The following TBC1D5 variants were observed in gnomAD, a reference collection of about 807,000 sequenced individuals.
The protein encoded by TBC1D5 is TBC1 domain family member 5.
TBC1D5 carries 75 observed loss-of-function variants against 100.3 expected under a neutral mutation model. The ratio of observed to expected loss-of-function variants is 0.75; its 90% CI spans 0.62 to 0.91. TBC1D5 has a LOEUF of 0.91. Ranked by LOEUF, TBC1D5 falls within the 40% of genes least tolerant of loss-of-function variation. The pLI is 0.00. For missense variants in TBC1D5, 910 were observed against 942.4 expected (o/e 0.97, Z 0.45); for synonymous variants, 323 against 325.6 (o/e 0.99, Z 0.09).
At chr3:17,719,613 G>A (rs1017772941) in intron 1 of TBC1D5, among the ~76,000 whole-genome samples, 17 of 152,130 alleles carry the variant, frequency 1.1e-4, no homozygotes, top group Non-Finnish European at 2.2e-4. Context: ...AGTAGTAACT[G>A]CTATTCCTAT....
At chr3:17,295,844 T>C (rs2082200171) in intron 14 of TBC1D5, among the ~76,000 whole-genome samples, 1 of 152,194 alleles carries the variant, frequency 6.6e-6, no homozygotes, top group African/African-American at 2.4e-5. Context: ...AAACTAGTCA[T>C]ACATTTTATA....
At chr3:17,289,821 C>G (rs2081542402) in intron 15 of TBC1D5, among the ~76,000 whole-genome samples, 1 of 152,180 alleles carries the variant, frequency 6.6e-6, no homozygotes, top group Non-Finnish European at 1.5e-5. Context: ...CAATTCCTAA[C>G]TCAGGTTCCT....
At chr3:17,727,324 T>C (rs2076209877) in intron 1 of TBC1D5, among the ~76,000 whole-genome samples, 1 of 152,178 alleles carries the variant, frequency 6.6e-6, no homozygotes, top group Non-Finnish European at 1.5e-5. Context: ...GAGGTTGCAG[T>C]GAGCCAAGAT....
At chr3:17,195,672 A>G (rs1454832126) in intron 18 of TBC1D5, among the ~76,000 whole-genome samples, 1 of 152,186 alleles carries the variant, frequency 6.6e-6, no homozygotes, top group African/African-American at 2.4e-5. Context: ...ATCCAAGCTG[A>G]GGATCAAGTA....
At chr3:17,349,124 G>A (rs2090252206) in intron 13 of TBC1D5, among the ~76,000 whole-genome samples, 1 of 152,144 alleles carries the variant, frequency 6.6e-6, no homozygotes, top group African/African-American at 2.4e-5. Context: ...TGCTTTCTTT[G>A]GGATTCTATA....
intron 17 of TBC1D5, among the ~76,000 whole-genome samples, 183 bp from the exon 18 acceptor site, chr3:17,233,933 T>C (rs2075648702): frequency 6.6e-6 from 1 of 151,986 alleles, no homozygotes; most frequent in Admixed American, 6.6e-5. Context: ...TAAGAGCATG[T>C]TTTCTAGAAA....
intron 1 of TBC1D5, among the ~76,000 whole-genome samples, chr3:17,662,360 C>T (rs1314914912): frequency 6.6e-6 from 1 of 152,164 alleles, no homozygotes; most frequent in African/African-American, 2.4e-5. Flanking sequence ...TGTCACAGTG[C>T]CAAAGAAGTT....
intron 13 of TBC1D5, among the ~76,000 whole-genome samples, chr3:17,308,369 A>T (rs1046567608): frequency 3.9e-5 from 6 of 152,182 alleles, no homozygotes; most frequent in African/African-American, 1.4e-4. Flanking sequence ...ATATATATGA[A>T]AAAAGTCAAA....
chr3:17,665,087 G>A (rs1381725135), intron 1 of TBC1D5: 2 of 150,164 alleles, frequency 1.3e-5, no homozygotes, highest in Non-Finnish European at 1.5e-5. Flanking sequence ...TTAAGGCCAG[G>A]AGGAAGCATC....
intron 13 of TBC1D5, among the ~76,000 whole-genome samples, chr3:17,330,608 C>G (rs1414761646): frequency 6.6e-6 from 1 of 152,110 alleles, no homozygotes; most frequent in Non-Finnish European, 1.5e-5. Flanking sequence ...AGAAAATTAC[C>G]AGCACCCAAG....
intron 15 of TBC1D5, among the ~76,000 whole-genome samples, chr3:17,286,474 C>G (rs1428281073): frequency 6.6e-6 from 1 of 152,158 alleles, no homozygotes; most frequent in African/African-American, 2.4e-5. Context: ...TTCTATCCCT[C>G]TAACTTCATC....
At chr3:17,374,889 A>G (rs919361278) in intron 10 of TBC1D5, among the ~76,000 whole-genome samples, 1 of 152,204 alleles carries the variant, frequency 6.6e-6, no homozygotes, top group Non-Finnish European at 1.5e-5. Flanking sequence ...CTATGCCTCT[A>G]TGCGACATGA....
At chr3:17,454,300 G>A (rs187264520) in intron 3 of TBC1D5, among the ~76,000 whole-genome samples, 2 of 151,972 alleles carry the variant, frequency 1.3e-5, no homozygotes, top group Admixed American at 1.3e-4. Flanking sequence ...GGTATAAATG[G>A]TATCCGAATT....
Position 17,301,626 on chromosome 3 carries a change from C to A in TBC1D5, c.1138+6366G>T, listed in dbSNP as rs1360440444. The stretch of plus-strand genomic sequence containing the variant: ...ATAGGACCAACACCCACAATAACTA[C>A]GGAAAAATGTAAAATAGAGTATGAC... On this transcript the variant is annotated intron_variant, in intron 14 of 21. Transcript: ENST00000253692. Among the ~76,000 whole-genome samples the A allele has an allele frequency of 4.6e-5, 7 of 152,014 alleles. No individual in the cohort carries two copies. The East Asian group carries it at 1.3e-3, about 29-fold the overall frequency.
chr3:17,439,486 TA>T (rs1222294188), intron 3 of TBC1D5, among the ~76,000 whole-genome samples: 1 of 152,190 alleles, frequency 6.6e-6, no homozygotes, highest in Non-Finnish European at 1.5e-5. Context: ...AAAGATTTAC[TA>T]ACACAAATCA....
At chr3:17,166,157 T>C (rs1194210163) in intron 21 of TBC1D5, among the ~76,000 whole-genome samples, 2 of 152,072 alleles carry the variant, frequency 1.3e-5, no homozygotes, top group Non-Finnish European at 2.9e-5. Flanking sequence ...GTTTATATAT[T>C]TTTAAAGGGT....
intron 1 of TBC1D5, among the ~76,000 whole-genome samples, chr3:17,639,195 C>A (rs547158510): frequency 6.6e-6 from 1 of 151,978 alleles, no homozygotes; most frequent in South Asian, 2.1e-4. Context: ...CCAATAAAAA[C>A]GAAGAAATTA....
chr3:17,495,321 CA>C (rs2095693050), intron 3 of TBC1D5, among the ~76,000 whole-genome samples: 1 of 152,072 alleles, frequency 6.6e-6, no homozygotes, highest in South Asian at 2.1e-4. Flanking sequence ...TGTCATTAAC[CA>C]AAAGACTAAA....
intron 4 of TBC1D5, among the ~76,000 whole-genome samples, chr3:17,421,272 T>A (rs1167991487): frequency 7.9e-6 from 1 of 125,842 alleles, no homozygotes; most frequent in Admixed American, 7.6e-5. Flanking sequence ...AAAGGTAATA[T>A]TAAGACTCTG....
Sources: allele counts gnomAD v4.1 joint callset (sites outside exome capture counted in the v4.1 genomes callset), GRCh38; gene constraint gnomAD v4.1.1; transcripts MANE v1.5; gene names NCBI Gene and HGNC (gene_info 2026-07-23, HGNC 2026-07-21).